Variants in BCKDHB observed in about 807,000 individuals in gnomAD.
BCKDHB encodes the protein branched chain keto acid dehydrogenase E1 subunit beta.
A neutral mutation model predicts 48.5 loss-of-function variants in BCKDHB; 41 were observed. The observed-to-expected ratio is 0.85, with a 90% CI of 0.66 to 1.10. BCKDHB has a LOEUF of 1.10. Ranked by LOEUF, BCKDHB falls within the 50% of genes least tolerant of loss-of-function variation. BCKDHB has a pLI of 0.00. For missense variants in BCKDHB, 496 were observed against 494.2 expected (o/e 1.00, Z -0.03); for synonymous variants, 201 against 174.8 (o/e 1.15, Z -1.18).
At chr6:80,348,423 C>A (rs1770301349), downstream of BCKDHB, among the ~76,000 whole-genome samples, 1 of 152,314 alleles carries the variant, frequency 6.6e-6, no homozygotes, top group East Asian at 1.9e-4. Context: ...CTTCTAGAAA[C>A]AGCACTGCTG....
chr6:80,116,801 G>A (rs1769727672), intron 1 of BCKDHB, among the ~76,000 whole-genome samples: 2 of 152,194 alleles, frequency 1.3e-5, no homozygotes, highest in Admixed American at 1.3e-4. Flanking sequence ...TATTAGTACT[G>A]TGTGATTGCA....
chr6:80,313,460 A>T (rs1023041578), intron 9 of BCKDHB, among the ~76,000 whole-genome samples: 1 of 152,144 alleles, frequency 6.6e-6, no homozygotes, highest in South Asian at 2.1e-4. Context: ...TCCTGGGTTC[A>T]AGCGATTCTC....
chr6:80,179,261 G>A (rs1773303616), intron 6 of BCKDHB, among the ~76,000 whole-genome samples: 1 of 152,096 alleles, frequency 6.6e-6, no homozygotes, highest in South Asian at 2.1e-4. Flanking sequence ...TGCCCAGGCT[G>A]ATAAAATGAT....
intron 1 of BCKDHB, among the ~76,000 whole-genome samples, chr6:80,111,778 A>G (rs1769424054): frequency 6.6e-6 from 1 of 152,230 alleles, no homozygotes; most frequent in South Asian, 2.1e-4. Flanking sequence ...CCAAAGGAGA[A>G]CAAATAGCAA....
intron 6 of BCKDHB, among the ~76,000 whole-genome samples, chr6:80,186,572 A>G (rs1023346699): frequency 2.0e-5 from 3 of 152,204 alleles, no homozygotes; most frequent in African/African-American, 4.8e-5. Context: ...CTGTGCTTGT[A>G]TCTGCAAGTT....
chr6:80,252,924 C>G (rs1346428208), intron 8 of BCKDHB, among the ~76,000 whole-genome samples: 2 of 152,064 alleles, frequency 1.3e-5, no homozygotes, highest in Non-Finnish European at 2.9e-5. Context: ...TTCTTCACCC[C>G]CTCCTCCTCT....
intron 1 of BCKDHB, among the ~76,000 whole-genome samples, chr6:80,115,674 T>C (rs926014088): frequency 2.0e-5 from 3 of 151,590 alleles, no homozygotes; most frequent in Non-Finnish European, 4.4e-5. Flanking sequence ...TCTCGCTCTG[T>C]CACCCAGGCT....
intron 8 of BCKDHB, among the ~76,000 whole-genome samples, chr6:80,266,606 A>C (rs531327379): frequency 6.6e-6 from 1 of 152,106 alleles, no homozygotes; most frequent in African/African-American, 2.4e-5. Context: ...ACACAGAAGC[A>C]TGTATTGTAC....
chr6:80,246,781 C>T (rs1413190875), intron 8 of BCKDHB, among the ~76,000 whole-genome samples: 1 of 151,998 alleles, frequency 6.6e-6, no homozygotes, highest in Non-Finnish European at 1.5e-5. Flanking sequence ...GAATGTTTTA[C>T]CATCTTACCA....
At chr6:80,266,297 C>A (rs1418888651) in intron 8 of BCKDHB, among the ~76,000 whole-genome samples, 1 of 152,002 alleles carries the variant, frequency 6.6e-6, no homozygotes, top group Non-Finnish European at 1.5e-5. Flanking sequence ...ACAAAAACAA[C>A]CTGACAAGCA....
intron 8 of BCKDHB, among the ~76,000 whole-genome samples, chr6:80,267,341 G>T (rs1208122108): frequency 6.6e-6 from 1 of 152,056 alleles, no homozygotes; most frequent in Non-Finnish European, 1.5e-5. Flanking sequence ...ATAATATTTT[G>T]CATTGTCAGC....
intron 8 of BCKDHB, among the ~76,000 whole-genome samples, chr6:80,259,898 G>A (rs1480927983): frequency 6.6e-6 from 1 of 152,132 alleles, no homozygotes; most frequent in Non-Finnish European, 1.5e-5. Context: ...GTGATGATGA[G>A]GAGATAAATA....
At chr6:80,420,043 A>G in the BCKDHB span, among the ~76,000 whole-genome samples, 1 of 151,970 alleles carries the variant, frequency 6.6e-6, no homozygotes, top group African/African-American at 2.4e-5. Context: ...TTATTCATGT[A>G]TTATTTTCCT....
chr6:80,434,744 C>G, the BCKDHB span, among the ~76,000 whole-genome samples: 1 of 152,082 alleles, frequency 6.6e-6, no homozygotes, highest in African/African-American at 2.4e-5. Context: ...GGAACTCTAC[C>G]CAATTTCCTA....
At chr6:80,164,092 G>C (rs1206671589) in intron 3 of BCKDHB, among the ~76,000 whole-genome samples, 2 of 152,110 alleles carry the variant, frequency 1.3e-5, no homozygotes, top group African/African-American at 4.8e-5. Context: ...TCAGAGAATG[G>C]CATGACCGTA....
chr6:80,106,897 C>T lies in BCKDHB; in HGVS notation c.196+8C>T, dbSNP rs1337392511. ...CGGAGCCCCGGGAGTACGGTGAGCC[C>T]TGGGACTGCCCACTCGGTCCCGCTG... On this transcript the variant is annotated splice_region_variant and intron_variant, in intron 1 of 9. Transcript: ENST00000320393. 2 of 1,599,664 alleles carry T rather than the reference C, an allele frequency of 1.3e-6. No individual in the cohort carries two copies. The highest frequency in any genetic ancestry group is 1.3e-5 in the African/African-American group (1 of 74,608).
At chr6:80,188,502 G>C (rs919371945) in intron 6 of BCKDHB, among the ~76,000 whole-genome samples, 1 of 152,040 alleles carries the variant, frequency 6.6e-6, no homozygotes, top group Non-Finnish European at 1.5e-5. Context: ...AGCCAGGTGT[G>C]GTGGTGTACT....
chr6:80,141,754 A>G (rs1208048411), intron 3 of BCKDHB, among the ~76,000 whole-genome samples: 5 of 152,170 alleles, frequency 3.3e-5, no homozygotes, highest in African/African-American at 1.2e-4. Context: ...AAATGAGACC[A>G]TGTGTATTTT....
At chr6:80,139,376 C>T (rs1250490088) in intron 3 of BCKDHB, among the ~76,000 whole-genome samples, 2 of 152,008 alleles carry the variant, frequency 1.3e-5, no homozygotes, top group South Asian at 2.1e-4. Flanking sequence ...GAAGTCCTTG[C>T]CCATGCCTAT....
Sources: allele counts gnomAD v4.1 joint callset (sites outside exome capture counted in the v4.1 genomes callset), GRCh38; gene constraint gnomAD v4.1.1; transcripts MANE v1.5; gene names NCBI Gene and HGNC (gene_info 2026-07-23, HGNC 2026-07-21).